MBNL1: variants seen among roughly 807,000 people sequenced by gnomAD.
The protein encoded by MBNL1 is muscleblind like splicing regulator 1.
A neutral mutation model predicts 42.2 loss-of-function variants in MBNL1; 8 were observed. The ratio of observed to expected loss-of-function variants is 0.19; its 90% CI spans 0.11 to 0.34. MBNL1 has a LOEUF of 0.34. Ranked by LOEUF, MBNL1 falls within the 10% of genes least tolerant of loss-of-function variation. MBNL1 has a pLI of 1.00. For missense variants in MBNL1, 309 were observed against 495.3 expected, an observed-to-expected ratio of 0.62 and a Z score of 3.57; for synonymous variants, 169 against 173.9, an observed-to-expected ratio of 0.97 and a Z score of 0.22.
At chr3:152,408,964 T>A (rs1375294501) in intron 2 of MBNL1, among the ~76,000 whole-genome samples, 1 of 152,172 alleles carries the variant, frequency 6.6e-6, no homozygotes, top group Non-Finnish European at 1.5e-5. Flanking sequence ...TGAACATCTT[T>A]TTAGGATGTA....
chr3:152,402,031 C>CAA (rs35675539), intron 2 of MBNL1, among the ~76,000 whole-genome samples: 1,978 of 104,436 alleles, frequency 0.019, 46 homozygotes, highest in African/African-American at 0.072. Flanking sequence ...GACTCTGTCT[C>CAA]AAAAAAAAAA....
intron 2 of MBNL1, among the ~76,000 whole-genome samples, chr3:152,347,670 G>A (rs1196804473): frequency 1.3e-5 from 2 of 152,084 alleles, no homozygotes; most frequent in Non-Finnish European, 2.9e-5. Context: ...GGCTTCCTAT[G>A]ACAGGTCCCC....
chr3:152,319,654 C>T (rs1254618712), intron 2 of MBNL1, among the ~76,000 whole-genome samples: 1 of 101,638 alleles, frequency 9.8e-6, no homozygotes, highest in African/African-American at 3.8e-5. Context: ...GGACAACAGA[C>T]TCTCCAAAAA....
At chr3:152,341,699 C>T (rs1385914510) in intron 2 of MBNL1, among the ~76,000 whole-genome samples, 3 of 151,996 alleles carry the variant, frequency 2.0e-5, no homozygotes, top group Non-Finnish European at 2.9e-5. Context: ...TTTTATGATA[C>T]GATTATTTCC....
intron 2 of MBNL1, among the ~76,000 whole-genome samples, chr3:152,260,809 T>C (rs1460806204): frequency 2.0e-5 from 3 of 152,224 alleles, no homozygotes; most frequent in Non-Finnish European, 4.4e-5. Flanking sequence ...GTGAAACATA[T>C]TTTGGTTGCC....
chr3:152,348,491 CTT>C (rs1560241665), intron 2 of MBNL1, among the ~76,000 whole-genome samples: 1 of 152,162 alleles, frequency 6.6e-6, no homozygotes, highest in East Asian at 1.9e-4. Flanking sequence ...CTCATTTTCT[CTT>C]GTGGTAATAG....
chr3:152,275,979 T>C (rs923089743), intron 1 of MBNL1, among the ~76,000 whole-genome samples: 2 of 152,082 alleles, frequency 1.3e-5, no homozygotes, highest in Non-Finnish European at 2.9e-5. Context: ...TATAAAGGTG[T>C]AAATATTTAT....
chr3:152,442,820 C>G (rs577853601), intron 4 of MBNL1, among the ~76,000 whole-genome samples: 1 of 152,320 alleles, frequency 6.6e-6, no homozygotes, highest in South Asian at 2.1e-4. Context: ...TGGTAAATTT[C>G]CAGTCCCACT....
rs115947420 is a variant in MBNL1 at position 152,254,937 on chromosome 3, A to C, written n.333+10497A>C. ...TAGCTTAATAAAGGTCACACAATTG[A>C]TCCTGGTGTGTCTATCTCTAAACTG... On this transcript the variant is annotated intron_variant and non_coding_transcript_variant, in intron 2 of 2. Coordinates refer to the MBNL1 transcript ENST00000477171. Among the ~76,000 whole-genome samples the C allele has an allele frequency of 9.7e-3, 1,474 of 152,178 alleles. 22 individuals are homozygous for C. The highest frequency in any genetic ancestry group is 0.034 in the African/African-American group (1,406 of 41,524).
chr3:152,276,416 G>T (rs1292215834), intron 1 of MBNL1, among the ~76,000 whole-genome samples: 1 of 152,212 alleles, frequency 6.6e-6, no homozygotes, highest in East Asian at 1.9e-4. Flanking sequence ...TAATTAATAA[G>T]TAGCACAATA....
At chr3:152,421,687 C>T (rs1234135835) in intron 3 of MBNL1, among the ~76,000 whole-genome samples, 2 of 152,078 alleles carry the variant, frequency 1.3e-5, no homozygotes, top group African/African-American at 4.8e-5. Context: ...TTAAGGGCAG[C>T]CAGAGAGAAA....
chr3:152,340,275 AC>A, intron 2 of MBNL1: 1 of 416,504 alleles, frequency 2.4e-6, no homozygotes, highest in South Asian at 3.5e-5. Context: ...GCATCACTGC[AC>A]CCCAGCCTGG....
At chr3:152,448,372 T>A (rs1332575276) in intron 6 of MBNL1, among the ~76,000 whole-genome samples, 1 of 152,202 alleles carries the variant, frequency 6.6e-6, no homozygotes. Flanking sequence ...GGTTTCAGCT[T>A]ATTTTCAATT....
intron 2 of MBNL1, among the ~76,000 whole-genome samples, chr3:152,400,348 G>A (rs1490508532): frequency 1.3e-5 from 2 of 152,164 alleles, no homozygotes; most frequent in African/African-American, 4.8e-5. Flanking sequence ...TTGAGCTTAA[G>A]CAACTTAAAA....
intron 2 of MBNL1, among the ~76,000 whole-genome samples, chr3:152,253,082 T>C (rs1403659335): frequency 6.6e-6 from 1 of 152,044 alleles, no homozygotes; most frequent in Non-Finnish European, 1.5e-5. Flanking sequence ...AATTCATACC[T>C]CCTCAACTTT....
chr3:152,357,962 C>T (rs961767867), intron 2 of MBNL1, among the ~76,000 whole-genome samples: 2 of 151,990 alleles, frequency 1.3e-5, no homozygotes, highest in African/African-American at 4.8e-5. Context: ...GAGCAGAACA[C>T]ACTTGAAAAG....
intron 2 of MBNL1, chr3:152,340,890 A>C (rs183147980): frequency 1.2e-6 from 2 of 1,611,710 alleles, no homozygotes; most frequent in Non-Finnish European, 1.7e-6. Flanking sequence ...CCTGTGGGCC[A>C]GGGTCCATCT....
intron 2 of MBNL1, among the ~76,000 whole-genome samples, chr3:152,398,946 T>G (rs1157281697): frequency 6.6e-6 from 1 of 152,234 alleles, no homozygotes; most frequent in African/African-American, 2.4e-5. Flanking sequence ...AAATTTAGCT[T>G]CTTTTTTGAA....
chr3:152,358,255 C>T (rs1362522197), intron 2 of MBNL1, among the ~76,000 whole-genome samples: 2 of 152,074 alleles, frequency 1.3e-5, no homozygotes, highest in African/African-American at 4.8e-5. Context: ...TTATTCACTT[C>T]TTATAAATAT....
Sources: allele counts gnomAD v4.1 joint callset (sites outside exome capture counted in the v4.1 genomes callset), GRCh38; gene constraint gnomAD v4.1.1; transcripts MANE v1.5; gene names NCBI Gene and HGNC (gene_info 2026-07-23, HGNC 2026-07-21).